The following DLG2 variants were observed in gnomAD, a reference collection of about 807,000 sequenced individuals.
DLG2 encodes disks large homolog 2.
A neutral mutation model predicts 132.5 loss-of-function variants in DLG2; 45 were observed. The ratio of observed to expected loss-of-function variants is 0.34; its 90% CI spans 0.27 to 0.44. The LOEUF is 0.44. DLG2 is among the 20% of genes least tolerant of loss of function. DLG2 has a pLI of 1.00. For synonymous variants in DLG2, 424 were observed against 419.6 expected, an observed-to-expected ratio of 1.01 and a Z score of -0.13; for missense variants, 1,045 against 1,196.9, an observed-to-expected ratio of 0.87 and a Z score of 1.87.
intron 2 of DLG2, among the ~76,000 whole-genome samples, chr11:85,622,368 T>TG (rs2081775365): frequency 6.6e-6 from 1 of 152,258 alleles, no homozygotes; most frequent in Admixed American, 6.5e-5. Flanking sequence ...TTCAGTGGTC[T>TG]GGAACCTAAC....
chr11:84,944,020 C>T (rs986568366), intron 6 of DLG2, among the ~76,000 whole-genome samples: 1 of 151,986 alleles, frequency 6.6e-6, no homozygotes, highest in Non-Finnish European at 1.5e-5. Flanking sequence ...ATATATTATT[C>T]TAGGATAAAA....
At chr11:84,961,126 A>G (rs1022189496) in intron 6 of DLG2, among the ~76,000 whole-genome samples, 4 of 151,546 alleles carry the variant, frequency 2.6e-5, no homozygotes, top group Admixed American at 2.6e-4. Context: ...TTGACTGGAG[A>G]TGAGTAAAGC....
At chr11:83,493,391 CCTTT>C (rs2093980421) in intron 21 of DLG2, among the ~76,000 whole-genome samples, 1 of 126,726 alleles carries the variant, frequency 7.9e-6, no homozygotes, top group Non-Finnish European at 1.7e-5. Context: ...TTCCTTCCTT[CCTTT>C]CTCTCTCTTT....
intron 18 of DLG2, among the ~76,000 whole-genome samples, chr11:83,671,014 T>A (rs1307963528): frequency 1.3e-5 from 2 of 152,212 alleles, no homozygotes; most frequent in Non-Finnish European, 2.9e-5. Context: ...GTACATTTCT[T>A]TGTACATATT....
intron 6 of DLG2, among the ~76,000 whole-genome samples, chr11:85,039,553 T>C (rs928318922): frequency 6.6e-6 from 1 of 151,960 alleles, no homozygotes; most frequent in African/African-American, 2.4e-5. Flanking sequence ...ACCTATCTCA[T>C]AGTTATATAT....
intron 7 of DLG2, among the ~76,000 whole-genome samples, chr11:84,374,871 C>T (rs1245647495): frequency 6.6e-6 from 1 of 152,128 alleles, no homozygotes; most frequent in Admixed American, 6.6e-5. Context: ...CATATGGATT[C>T]TCATCTACTG....
intron 6 of DLG2, among the ~76,000 whole-genome samples, chr11:85,032,371 G>A (rs962975428): frequency 6.6e-6 from 1 of 152,244 alleles, no homozygotes; most frequent in Non-Finnish European, 1.5e-5. Context: ...TTTTACAAAT[G>A]AGTGTCCTAT....
At chr11:83,909,675 A>G (rs897281711) in intron 15 of DLG2, among the ~76,000 whole-genome samples, 1 of 152,160 alleles carries the variant, frequency 6.6e-6, no homozygotes, top group African/African-American at 2.4e-5. Flanking sequence ...AAATGGGGAG[A>G]AATTAAATAT....
At chr11:85,346,504 A>G (rs1448865954) in intron 3 of DLG2, among the ~76,000 whole-genome samples, 5 of 152,226 alleles carry the variant, frequency 3.3e-5, no homozygotes, top group Non-Finnish European at 5.9e-5. Flanking sequence ...CTTAATTACT[A>G]TATTTTGCAA....
rs954358344 is a variant in DLG2 at position 84,581,421 on chromosome 11, A to C, written c.358-46690T>G. On this transcript the variant is annotated intron_variant, in intron 6 of 27. Transcript: ENST00000376104. ...TCCAGCATTACGACTATATATACAGATGTTCATTTTCCCTAAAGGAACATG... is the reference window on the plus strand; with the variant it reads ...TCCAGCATTACGACTATATATACAGCTGTTCATTTTCCCTAAAGGAACATG... Among the ~76,000 whole-genome samples, 5 of 152,182 alleles carry C rather than the reference A, an allele frequency of 3.3e-5. No homozygotes were observed. The East Asian group carries it at 7.7e-4, about 23-fold the overall frequency.
intron 7 of DLG2, among the ~76,000 whole-genome samples, chr11:84,378,833 T>C (rs2154433182): frequency 7.3e-6 from 1 of 137,154 alleles, no homozygotes. Flanking sequence ...TATTCACAGA[T>C]ACTCAGGAGG....
chr11:84,279,961 A>G (rs1397178959), intron 7 of DLG2, among the ~76,000 whole-genome samples: 1 of 152,132 alleles, frequency 6.6e-6, no homozygotes, highest in East Asian at 1.9e-4. Flanking sequence ...TTAACAAAAA[A>G]CTCTTAGGAC....
intron 4 of DLG2, among the ~76,000 whole-genome samples, chr11:85,204,967 G>C (rs1213831598): frequency 1.3e-5 from 2 of 151,940 alleles, no homozygotes; most frequent in Non-Finnish European, 2.9e-5. Flanking sequence ...GCTGAGAAAA[G>C]TGGATATCCA....
chr11:84,929,638 CT>C (rs1282076936), intron 6 of DLG2, among the ~76,000 whole-genome samples: 2 of 152,082 alleles, frequency 1.3e-5, no homozygotes, highest in Non-Finnish European at 2.9e-5. Flanking sequence ...AAAGAACATT[CT>C]TCCCTTATAT....
intron 6 of DLG2, among the ~76,000 whole-genome samples, chr11:84,641,650 C>G (rs115610919): frequency 8.5e-4 from 130 of 152,220 alleles, no homozygotes; most frequent in African/African-American, 3.0e-3. Context: ...GGCTCCAAGG[C>G]CAGACTACCC....
intron 6 of DLG2, among the ~76,000 whole-genome samples, chr11:84,894,482 C>A (rs2154066158): frequency 6.6e-6 from 1 of 152,162 alleles, no homozygotes; most frequent in South Asian, 2.1e-4. Context: ...CACATACTCA[C>A]CACATGTTTA....
chr11:85,536,919 C>T (rs2075625119), intron 3 of DLG2, among the ~76,000 whole-genome samples: 1 of 152,214 alleles, frequency 6.6e-6, no homozygotes, highest in Non-Finnish European at 1.5e-5. Context: ...ACAGTGAATG[C>T]CAGTGAGAGG....
At chr11:85,179,079 TC>T (rs1370085939) in intron 4 of DLG2, among the ~76,000 whole-genome samples, 1 of 151,118 alleles carries the variant, frequency 6.6e-6, no homozygotes, top group Non-Finnish European at 1.5e-5. Context: ...AAACTGAAAA[TC>T]AGCAGGAATA....
At chr11:85,149,889 C>A (rs1361163226) in intron 5 of DLG2, among the ~76,000 whole-genome samples, 2 of 151,442 alleles carry the variant, frequency 1.3e-5, no homozygotes, top group Non-Finnish European at 2.9e-5. Context: ...TGACAATAAA[C>A]AATTAAAAAC....
Sources: allele counts gnomAD v4.1 joint callset (sites outside exome capture counted in the v4.1 genomes callset), GRCh38; gene constraint gnomAD v4.1.1; transcripts MANE v1.5; gene names NCBI Gene and HGNC (gene_info 2026-07-23, HGNC 2026-07-21).